Variants in TMEM132B observed in about 807,000 individuals in gnomAD.
TMEM132B encodes transmembrane protein 132B.
TMEM132B carries 18 observed loss-of-function variants against 90.8 expected under a neutral mutation model. That is an observed-to-expected ratio of 0.20 (90% CI 0.14 to 0.29). TMEM132B has a LOEUF of 0.29. TMEM132B is among the 10% of genes least tolerant of loss of function. The pLI, the probability that TMEM132B is intolerant of heterozygous loss-of-function variation, is 1.00. For missense variants in TMEM132B, 1,096 were observed against 1,326.8 expected, an observed-to-expected ratio of 0.83 and a Z score of 2.70; for synonymous variants, 504 against 523.3, an observed-to-expected ratio of 0.96 and a Z score of 0.50.
chr12:125,587,322 A>G (rs1369410532), intron 5 of TMEM132B: 3 of 151,860 alleles, frequency 2.0e-5, no homozygotes, highest in Non-Finnish European at 4.4e-5. Context: ...GTTGATTTTT[A>G]TTAGCATGAA....
intron 2 of TMEM132B, among the ~76,000 whole-genome samples, chr12:125,361,313 AG>A (rs1877950433): frequency 6.6e-6 from 1 of 152,194 alleles, no homozygotes; most frequent in Non-Finnish European, 1.5e-5. Context: ...CACTTGCCCA[AG>A]GGTCACACAG....
rs58690094 is a variant in TMEM132B at position 125,385,203 on chromosome 12, C to A, written c.960-30328C>A. On this transcript the variant is annotated intron_variant, in intron 2 of 8. Transcript: ENST00000682704. ...TGTTTTCTTTGATGTAGATTGTTTT[C>A]TTTTGCTCTCACAGCAAAAAAGATT... 6.4e-4 allele frequency among the ~76,000 whole-genome samples: 98 copies of A among 152,232 alleles called. No individual in the cohort carries two copies. The East Asian group carries it at 0.016, about 25-fold the overall frequency.
At chr12:125,653,046 G>A (rs770578890) in intron 8 of TMEM132B, among the ~76,000 whole-genome samples, 16 of 152,148 alleles carry the variant, frequency 1.1e-4, no homozygotes, top group Non-Finnish European at 1.8e-4. Flanking sequence ...ACTCTAAAAC[G>A]TCCTCCCATC....
chr12:125,227,395 T>A (rs1873707412), intron 1 of TMEM132B, among the ~76,000 whole-genome samples: 1 of 152,096 alleles, frequency 6.6e-6, no homozygotes, highest in African/African-American at 2.4e-5. Flanking sequence ...AAGAGCTTAG[T>A]CAAGGACACA....
At chr12:125,564,595 G>A (rs1170685000) in intron 4 of TMEM132B, among the ~76,000 whole-genome samples, 2 of 152,180 alleles carry the variant, frequency 1.3e-5, no homozygotes, top group East Asian at 3.8e-4. Context: ...AGGGGAATAG[G>A]ATAGGTCCAG....
In TMEM132B at chr12:125,382,425, T is replaced by C. The variant is rs190290162; in HGVS notation, c.959+32082T>C. 5.4e-3 allele frequency among the ~76,000 whole-genome samples: 823 copies of C among 152,282 alleles called. 2 individuals carry two copies. Among genetic ancestry groups the C allele is most frequent in the Non-Finnish European group, 7.2e-3 (488 of 68,020 alleles). The stretch of plus-strand genomic sequence containing the variant: ...TTGGTGTAAGAACACAAAGAAGGCA[T>C]ATTCTTACTGCCTTCTTAAGGAGCA... On this transcript the variant is annotated intron_variant, in intron 2 of 8. Coordinates refer to ENST00000682704, the MANE Select transcript of TMEM132B (RefSeq NM_001366854.1).
intron 3 of TMEM132B, among the ~76,000 whole-genome samples, chr12:125,425,426 A>G (rs1880289246): frequency 6.6e-6 from 1 of 152,176 alleles, no homozygotes. Flanking sequence ...AGTGTGGCAC[A>G]TTTGTTACAA....
At chr12:125,582,916 G>A (rs1016084468) in intron 4 of TMEM132B, among the ~76,000 whole-genome samples, 5 of 152,228 alleles carry the variant, frequency 3.3e-5, no homozygotes, top group Admixed American at 2.6e-4. Context: ...GTGAGGGACA[G>A]AAAGACAGGA....
At chr12:125,620,902 G>A (rs1886098984) in intron 5 of TMEM132B, among the ~76,000 whole-genome samples, 1 of 152,316 alleles carries the variant, frequency 6.6e-6, no homozygotes, top group South Asian at 2.1e-4. Flanking sequence ...TCCCTCCAAT[G>A]ACATGTGGGG....
intron 1 of TMEM132B, among the ~76,000 whole-genome samples, chr12:125,334,737 A>G (rs1480260926): frequency 6.6e-6 from 1 of 152,240 alleles, no homozygotes; most frequent in Non-Finnish European, 1.5e-5. Context: ...TGCTATATGC[A>G]AATAGTGCAG....
intron 5 of TMEM132B, chr12:125,584,363 C>A (rs1191669659): frequency 4.5e-6 from 1 of 221,660 alleles, no homozygotes; most frequent in African/African-American, 2.3e-5. Flanking sequence ...ACTCACTGTG[C>A]CTAATAATAT....
chr12:125,481,135 A>C (rs1882031709), intron 3 of TMEM132B, among the ~76,000 whole-genome samples: 1 of 152,206 alleles, frequency 6.6e-6, no homozygotes, highest in Non-Finnish European at 1.5e-5. Context: ...TTTATGACAA[A>C]CCCACTGCCA....
chr12:125,529,776 C>T (rs2136692191), intron 4 of TMEM132B, among the ~76,000 whole-genome samples: 1 of 152,370 alleles, frequency 6.6e-6, no homozygotes. Context: ...TTGTGTAAAA[C>T]TTTAAAATCT....
At chr12:125,540,000 C>T (rs1232833275) in intron 4 of TMEM132B, among the ~76,000 whole-genome samples, 2 of 152,138 alleles carry the variant, frequency 1.3e-5, no homozygotes, top group African/African-American at 2.4e-5. Flanking sequence ...CCTAAGTTCT[C>T]ATAAGTTGTA....
chr12:125,489,201 G>T (rs1223164350), intron 3 of TMEM132B, among the ~76,000 whole-genome samples: 1 of 152,120 alleles, frequency 6.6e-6, no homozygotes, highest in Non-Finnish European at 1.5e-5. Context: ...TAAATTCAGA[G>T]AATTAAGATA....
intron 5 of TMEM132B, among the ~76,000 whole-genome samples, chr12:125,632,377 G>T (rs1886386237): frequency 2.0e-5 from 3 of 151,866 alleles, no homozygotes; most frequent in Non-Finnish European, 4.4e-5. Context: ...TATTATTTTT[G>T]ATTGGTTCAT....
intron 4 of TMEM132B, among the ~76,000 whole-genome samples, chr12:125,572,097 T>A (rs1248004818): frequency 6.6e-6 from 1 of 152,226 alleles, no homozygotes; most frequent in South Asian, 2.1e-4. Context: ...TATTATTAGA[T>A]TCAGTTTACA....
intron 3 of TMEM132B, among the ~76,000 whole-genome samples, chr12:125,484,668 T>C (rs1039875032): frequency 4.0e-4 from 61 of 152,186 alleles, no homozygotes; most frequent in Non-Finnish European, 5.4e-4. Flanking sequence ...TCTTGCTTTG[T>C]CACCCAGGCT....
chr12:125,211,413 C>T (rs988392794), intron 1 of TMEM132B, among the ~76,000 whole-genome samples: 1 of 152,212 alleles, frequency 6.6e-6, no homozygotes, highest in African/African-American at 2.4e-5. Flanking sequence ...TTCCTTGCTA[C>T]CTCCCCAAAG....
Sources: gnomAD v4.1 joint callset for allele counts (sites outside exome capture counted in the v4.1 genomes callset) on GRCh38, gnomAD v4.1.1 for gene constraint, MANE v1.5 for transcripts, NCBI Gene and HGNC (gene_info 2026-07-23, HGNC 2026-07-21) for gene names.